FNIP2: variants seen among roughly 807,000 people sequenced by gnomAD.
The protein encoded by FNIP2 is folliculin-interacting protein 2.
In FNIP2, 32 loss-of-function variants were observed where a neutral mutation model predicts 108.7. That is an observed-to-expected ratio of 0.29 (90% CI 0.22 to 0.40). The LOEUF (loss-of-function observed/expected upper bound fraction) is 0.40, where lower values mean the gene tolerates loss of function less well. Among genes scored for constraint, FNIP2 ranks in the 10% least tolerant of loss-of-function variants. The pLI, the probability that FNIP2 is intolerant of heterozygous loss-of-function variation, is 1.00. For missense variants in FNIP2, 1,202 were observed against 1,381.6 expected (o/e 0.87, Z 2.06); for synonymous variants, 480 against 496.7 (o/e 0.97, Z 0.45).
chr4:158,792,372 CTTTT>C (rs879390673), intron 1 of FNIP2, among the ~76,000 whole-genome samples: 1 of 134,160 alleles, frequency 7.5e-6, no homozygotes, highest in Non-Finnish European at 1.6e-5. Context: ...GAATTTAGTG[CTTTT>C]TTTTTTTTTT....
At chr4:158,821,736 T>G (rs577563888) in intron 1 of FNIP2, among the ~76,000 whole-genome samples, 7 of 152,206 alleles carry the variant, frequency 4.6e-5, no homozygotes, top group Non-Finnish European at 1.0e-4. Flanking sequence ...CCCAAGCCTG[T>G]CTCATTCTGA....
chr4:158,819,223 C>A (rs1560775339), intron 1 of FNIP2, among the ~76,000 whole-genome samples: 3 of 152,178 alleles, frequency 2.0e-5, no homozygotes, highest in African/African-American at 7.2e-5. Context: ...TGGTTCCATG[C>A]TTTTGCTGCT....
At chr4:158,881,847 G>T (rs1198108510) in intron 14 of FNIP2, among the ~76,000 whole-genome samples, 1 of 152,250 alleles carries the variant, frequency 6.6e-6, no homozygotes, top group African/African-American at 2.4e-5. Flanking sequence ...AAAGTGCCGA[G>T]ATTGCAGCCT....
At chr4:158,777,863 T>C (rs908691302) in intron 1 of FNIP2, among the ~76,000 whole-genome samples, 1 of 152,200 alleles carries the variant, frequency 6.6e-6, no homozygotes, top group African/African-American at 2.4e-5. Flanking sequence ...AAAGTTCATA[T>C]AAAATATGTT....
intron 8 of FNIP2, among the ~76,000 whole-genome samples, chr4:158,853,613 G>GA (rs1045098058): frequency 1.2e-4 from 18 of 152,192 alleles, no homozygotes; most frequent in African/African-American, 4.3e-4. Flanking sequence ...ACCTATGAGT[G>GA]AGAACATGCG....
chr4:158,836,784 C>G (rs1778831355), intron 7 of FNIP2: 1 of 138,054 alleles, frequency 7.2e-6, no homozygotes, highest in Admixed American at 7.7e-5. Context: ...CCACTATACT[C>G]CAGGCTGGAC....
At chr4:158,787,984 A>G (rs961729435) in intron 1 of FNIP2, among the ~76,000 whole-genome samples, 1 of 152,084 alleles carries the variant, frequency 6.6e-6, no homozygotes. Context: ...ACTCCTAACT[A>G]GTGTGGTGAT....
intron 14 of FNIP2, chr4:158,890,446 T>C (rs754330315): frequency 2.3e-4 from 171 of 752,082 alleles, no homozygotes; most frequent in Non-Finnish European, 2.7e-4. Flanking sequence ...AATACAAAGC[T>C]GCACAGGACA....
intron 1 of FNIP2, among the ~76,000 whole-genome samples, chr4:158,805,562 C>T (rs1578841253): frequency 6.6e-6 from 1 of 152,180 alleles, no homozygotes; most frequent in East Asian, 1.9e-4. Context: ...GGATATATCC[C>T]TAATCTGTGT....
At chr4:158,814,476 T>C (rs1021681182) in intron 1 of FNIP2, among the ~76,000 whole-genome samples, 1 of 152,236 alleles carries the variant, frequency 6.6e-6, no homozygotes, top group African/African-American at 2.4e-5. Flanking sequence ...GCAGTTCTTA[T>C]CACCAGCCTT....
rs550180285 is a variant in FNIP2 at position 158,828,965 on chromosome 4, T to C, written c.235-114T>C. On this transcript the variant is annotated intron_variant, in intron 2 of 16. Transcript: ENST00000264433. ...TTGGGGAAAAAAAAAAGCTTCTGTTTTTTAATGCAACCTAGGCACCAGAAT... is the reference window on the plus strand; with the variant it reads ...TTGGGGAAAAAAAAAAGCTTCTGTTCTTTAATGCAACCTAGGCACCAGAAT... 1.9e-5 allele frequency: 17 copies of C among 889,010 alleles called. No individual in the cohort carries two copies. The African/African-American group carries it at 2.9e-4, about 15-fold the overall frequency. 55.1% of individuals were successfully genotyped at this position (889,010 alleles called of 1,614,324 possible). A position where few individuals can be genotyped will look rare whatever the true frequency, so the allele number is the denominator to read the frequency against.
In FNIP2 at chr4:158,868,348, C is replaced by T. The variant is rs372920721; in HGVS notation, c.1712C>T (p.Thr571Met). ...EVEESEYVVITVRNEPALVPP... is the reference protein window; with the variant it reads ...EVEESEYVVIMVRNEPALVPP... ...GAGGAGTCTGAGTATGTGGTCATTA[C>T]GGTGAGGAACGAGCCCGCTCTTGTA... Residue 571 changes from threonine to methionine, a missense_variant, in exon 13 of 17, where the codon ACG becomes ATG. Thr to Met is a moderately conservative substitution (Grantham distance 81). This residue lies in a region of FNIP2 where 878 missense variants were observed against 990.3 expected (regional missense o/e 0.89). Coordinates refer to ENST00000264433, the MANE Select transcript of FNIP2 (RefSeq NM_020840.3). The surrounding 1 kb of genome is among the most constrained non-coding windows in gnomAD (Gnocchi z 4.6). 150 of 1,613,998 alleles carry T rather than the reference C, an allele frequency of 9.3e-5. No individual in the cohort carries two copies. The highest frequency in any genetic ancestry group is 1.2e-4 in the Non-Finnish European group (137 of 1,179,898).
At chr4:158,817,064 C>G (rs980561234) in intron 1 of FNIP2, among the ~76,000 whole-genome samples, 2 of 152,152 alleles carry the variant, frequency 1.3e-5, no homozygotes, top group Non-Finnish European at 2.9e-5. Context: ...TCAAGCGATC[C>G]TCCTGCCTTG....
chr4:158,863,572 C>A (rs1780411455), intron 12 of FNIP2, among the ~76,000 whole-genome samples: 1 of 152,160 alleles, frequency 6.6e-6, no homozygotes, highest in South Asian at 2.1e-4. Context: ...TGCCCAGCCA[C>A]TTCCCTGTGT....
At chr4:158,811,771 T>C (rs1037310809) in intron 1 of FNIP2, among the ~76,000 whole-genome samples, 1 of 152,166 alleles carries the variant, frequency 6.6e-6, no homozygotes, top group Non-Finnish European at 1.5e-5. Context: ...GCTAACATTC[T>C]GATAATCTGT....
At chr4:158,770,233 A>G (rs1775651491) in intron 1 of FNIP2, among the ~76,000 whole-genome samples, 1 of 152,158 alleles carries the variant, frequency 6.6e-6, no homozygotes, top group African/African-American at 2.4e-5. Flanking sequence ...TCAAGGGCTA[A>G]CTTTTAAAAG....
In FNIP2 at chr4:158,861,531, C is replaced by T. The variant is rs764147755; in HGVS notation, c.1295+43C>T. 4.3e-6 allele frequency: 7 copies of T among 1,613,512 alleles called. No homozygotes were observed. In the Admixed American group the frequency reaches 1.0e-4, roughly 23 times the overall value. On this transcript the variant is annotated intron_variant, in intron 11 of 16. Coordinates refer to ENST00000264433, the MANE Select transcript of FNIP2 (RefSeq NM_020840.3). ...GGAGACTTGTATGCAAATCTCATGG[C>T]CAATGTGTGTACTGCATAGGATGTG... is the stretch of plus-strand genomic sequence containing the variant.
intron 2 of FNIP2, among the ~76,000 whole-genome samples, chr4:158,826,873 A>G (rs1264327903): frequency 6.6e-6 from 1 of 152,154 alleles, no homozygotes; most frequent in Admixed American, 6.5e-5. Context: ...CATTCTTTTT[A>G]TGTTCAATAA....
At chr4:158,845,353 A>C (rs894894208) in intron 7 of FNIP2, among the ~76,000 whole-genome samples, 1 of 152,220 alleles carries the variant, frequency 6.6e-6, no homozygotes, top group Non-Finnish European at 1.5e-5. Context: ...TATCATGTAG[A>C]TGCTAGGCCG....
Sources: gnomAD v4.1 joint callset for allele counts (sites outside exome capture counted in the v4.1 genomes callset) on GRCh38, gnomAD v4.1.1 for gene constraint, gnomAD v4.1.1 regional missense constraint, Gnocchi (gnomAD v3.1) non-coding constraint, MANE v1.5 for transcripts, NCBI Gene and HGNC (gene_info 2026-07-23, HGNC 2026-07-21) for gene names.